The following PPP3CC variants were observed in gnomAD, a reference collection of about 807,000 sequenced individuals.
PPP3CC encodes serine/threonine-protein phosphatase 2B catalytic subunit gamma isoform.
A neutral mutation model predicts 60.3 loss-of-function variants in PPP3CC; 35 were observed. That is an observed-to-expected ratio of 0.58 (90% CI 0.44 to 0.77). The LOEUF is 0.77. Ranked by LOEUF, PPP3CC falls within the 30% of genes least tolerant of loss-of-function variation. The pLI is 0.00. For missense variants in PPP3CC, 570 were observed against 628.9 expected, an observed-to-expected ratio of 0.91 and a Z score of 1.00; for synonymous variants, 206 against 224.3, an observed-to-expected ratio of 0.92 and a Z score of 0.73.
intron 3 of PPP3CC, among the ~76,000 whole-genome samples, chr8:22,493,507 T>G (rs550287524): frequency 6.6e-6 from 1 of 152,308 alleles, no homozygotes; most frequent in Admixed American, 6.5e-5. Flanking sequence ...ATTTTTTCCT[T>G]ATATTCTTAT....
intron 12 of PPP3CC, among the ~76,000 whole-genome samples, chr8:22,534,396 T>C (rs1839797546): frequency 6.8e-6 from 1 of 148,034 alleles, no homozygotes; most frequent in Admixed American, 6.8e-5. Flanking sequence ...CACTCCAGTC[T>C]GGGCAACAGG....
At chr8:22,466,757 C>T (rs972915252) in intron 1 of PPP3CC, among the ~76,000 whole-genome samples, 2 of 152,060 alleles carry the variant, frequency 1.3e-5, no homozygotes, top group South Asian at 4.2e-4. Context: ...AAAATTTTTT[C>T]TGTTTTTGCT....
chr8:22,533,154 C>A, intron 12 of PPP3CC, 136 bp downstream of exon 12: 1 of 561,806 alleles, frequency 1.8e-6, no homozygotes. Flanking sequence ...AATGAATCTT[C>A]ACCCCTACTT....
intron 1 of PPP3CC, among the ~76,000 whole-genome samples, chr8:22,469,320 A>G (rs1837642697): frequency 6.6e-6 from 1 of 152,174 alleles, no homozygotes; most frequent in African/African-American, 2.4e-5. Context: ...GAAAATAGAT[A>G]AGAGAGACTG....
In PPP3CC at chr8:22,470,810, G is replaced by A. The variant is rs902003141; in HGVS notation, c.50-4144G>A. Among the ~76,000 whole-genome samples the A allele has an allele frequency of 2.6e-5, 4 of 152,188 alleles. No homozygotes were observed. The East Asian group carries it at 5.8e-4, about 22-fold the overall frequency. On this transcript the variant is annotated intron_variant, in intron 1 of 13. Coordinates refer to ENST00000240139, the MANE Select transcript of PPP3CC (RefSeq NM_005605.5). ...TAACTGGAACCCTTACACCTTGATG[G>A]TGTGAGGGTAAATGGTATCACTTTG...
intron 6 of PPP3CC, among the ~76,000 whole-genome samples, chr8:22,518,827 C>T (rs1839326167): frequency 6.6e-6 from 1 of 152,168 alleles, no homozygotes; most frequent in Non-Finnish European, 1.5e-5. Flanking sequence ...GCTGGGATTA[C>T]AGGCATGCAC....
chr8:22,488,102 GAGTT>G (rs1189227270), intron 3 of PPP3CC, among the ~76,000 whole-genome samples: 4 of 152,172 alleles, frequency 2.6e-5, no homozygotes, highest in African/African-American at 9.7e-5. Context: ...TCAAAAAGGT[GAGTT>G]AGAAGGCACA....
intron 1 of PPP3CC, among the ~76,000 whole-genome samples, chr8:22,457,212 A>G (rs899289625): frequency 6.0e-5 from 9 of 151,148 alleles, no homozygotes; most frequent in Middle Eastern, 3.4e-3. Flanking sequence ...TCCTTTTAGT[A>G]TACCTTCTAT....
At chr8:22,456,207 G>A (rs1373205821) in intron 1 of PPP3CC, among the ~76,000 whole-genome samples, 1 of 152,066 alleles carries the variant, frequency 6.6e-6, no homozygotes, top group Non-Finnish European at 1.5e-5. Context: ...AACCTTTAAG[G>A]TTTATGTTTC....
rs147601511 is a variant in PPP3CC at position 22,464,806 on chromosome 8, A to G, written c.50-10148A>G. ...AGTGAGTTATGCGTGGGCTGAGTTC[A>G]CTCAAAGCTTGCCTCAGCTGGGATT... On this transcript the variant is annotated intron_variant, in intron 1 of 13. Coordinates refer to ENST00000240139, the MANE Select transcript of PPP3CC (RefSeq NM_005605.5). Among the ~76,000 whole-genome samples, 357 of 152,236 alleles carry G rather than the reference A, an allele frequency of 2.3e-3. 2 individuals are homozygous for G. The highest frequency in any genetic ancestry group is 6.8e-3 in the Middle Eastern group (2 of 294).
intron 3 of PPP3CC, among the ~76,000 whole-genome samples, chr8:22,483,701 GGACTTTCTGCTTT>G (rs1184903382): frequency 6.6e-6 from 1 of 152,002 alleles, no homozygotes; most frequent in Non-Finnish European, 1.5e-5. Context: ...TGACATGCTT[GGACTTTCTGCTTT>G]GTCCTGTATT....
chr8:22,443,192 T>C (rs1167882429), intron 1 of PPP3CC, among the ~76,000 whole-genome samples: 1 of 151,964 alleles, frequency 6.6e-6, no homozygotes, highest in Non-Finnish European at 1.5e-5. Context: ...GTAATAAATA[T>C]TGTAAAATAA....
At chr8:22,472,363 AACACACACACACACACACACACAC>A (rs71546810) in intron 1 of PPP3CC, among the ~76,000 whole-genome samples, 1 of 125,614 alleles carries the variant, frequency 8.0e-6, no homozygotes, top group Non-Finnish European at 1.6e-5. Context: ...GGTAAAAATG[AACACACACACACACACACACACAC>A]ACACACACAC....
chr8:22,442,563 T>C (rs1836703810), intron 1 of PPP3CC, among the ~76,000 whole-genome samples: 2 of 152,240 alleles, frequency 1.3e-5, no homozygotes, highest in African/African-American at 2.4e-5. Context: ...TTATCTGTAC[T>C]ACATAATTAT....
chr8:22,520,896 T>C (rs984807269), intron 6 of PPP3CC, among the ~76,000 whole-genome samples: 1 of 152,112 alleles, frequency 6.6e-6, no homozygotes, highest in African/African-American at 2.4e-5. Context: ...TGCAATGGAG[T>C]CTATGCATTT....
chr8:22,510,372 A>T (rs1424012988), intron 4 of PPP3CC, among the ~76,000 whole-genome samples: 1 of 152,186 alleles, frequency 6.6e-6, no homozygotes, highest in Non-Finnish European at 1.5e-5. Context: ...GACCTTAAAA[A>T]TTATGAGCAA....
At chr8:22,538,579 A>C (rs1048732309) in intron 12 of PPP3CC, among the ~76,000 whole-genome samples, 1 of 152,206 alleles carries the variant, frequency 6.6e-6, no homozygotes, top group Non-Finnish European at 1.5e-5. Flanking sequence ...TCTTTTGGCA[A>C]ATTGGTACTG....
intron 6 of PPP3CC, among the ~76,000 whole-genome samples, chr8:22,519,207 T>G (rs1839338105): frequency 6.6e-6 from 1 of 152,232 alleles, no homozygotes; most frequent in South Asian, 2.1e-4. Flanking sequence ...TCATGTTCTC[T>G]TCCGGTTACT....
intron 11 of PPP3CC, 90 bp downstream of exon 11, chr8:22,532,396 T>G (rs1839740279): frequency 6.4e-6 from 7 of 1,101,868 alleles, no homozygotes; most frequent in Non-Finnish European, 9.5e-6. Flanking sequence ...ATAATTGGAA[T>G]GTAGTATTGA....
Sources: allele counts gnomAD v4.1 joint callset (sites outside exome capture counted in the v4.1 genomes callset), GRCh38; gene constraint gnomAD v4.1.1; transcripts MANE v1.5; gene names NCBI Gene and HGNC (gene_info 2026-07-23, HGNC 2026-07-21).